Variants in NELFCD observed in about 807,000 individuals in gnomAD.
NELFCD encodes the protein negative elongation factor C/D.
A neutral mutation model predicts 72.9 loss-of-function variants in NELFCD; 48 were observed. That is an observed-to-expected ratio of 0.66 (90% confidence interval 0.52 to 0.84). NELFCD has a LOEUF of 0.84. Ranked by LOEUF, NELFCD falls within the 40% of genes least tolerant of loss-of-function variation. NELFCD has a pLI of 0.00. For missense variants in NELFCD, 538 were observed against 723.8 expected (o/e 0.74, Z 2.94); for synonymous variants, 297 against 280.6 (o/e 1.06, Z -0.59).
In NELFCD at chr20:58,994,190, A is replaced by G. The variant is rs2091839965; in HGVS notation, c.1662A>G (p.Ala554=). Residue 554 remains alanine, a synonymous_variant, in exon 14 of 15, where the codon GCA becomes GCG. Coordinates refer to ENST00000652272, the MANE Select transcript of NELFCD (RefSeq NM_198976.4). The stretch of plus-strand genomic sequence containing the variant: ...CCATCCTGGAGAATGACAGCATCGC[A>G]GGTACCATCAAAACGGAAGGCGAGC... ...FLPILENDSI[A]GTIKTEGEHD... is the part of the protein sequence containing the mutation. 6.2e-7 allele frequency: 1 copy of G among 1,614,026 alleles called. No individual in the cohort carries two copies. The highest frequency in any genetic ancestry group is 1.3e-5 in the African/African-American group (1 of 74,954).
intron 7 of NELFCD, 112 bp from the exon 8 acceptor site, chr20:58,990,798 C>G: frequency 2.1e-6 from 2 of 947,564 alleles, no homozygotes; most frequent in East Asian, 2.4e-5. Context: ...TCAGTATACT[C>G]GTGAATGACA....
intron 1 of NELFCD, among the ~76,000 whole-genome samples, chr20:58,982,188 C>A (rs965785880): frequency 2.8e-5 from 3 of 105,940 alleles, no homozygotes; most frequent in African/African-American, 1.1e-4. Context: ...TGGAGTTTCG[C>A]TCTTGTTGCC....
rs1208460284 is a variant in NELFCD, at chr20:58,994,222, C to G, written c.1694C>G (p.Pro565Arg). Residue 565 changes from proline (P) to arginine (R), a missense_variant, in exon 14 of 15, where the codon CCT becomes CGT. Physicochemically the swap from Pro to Arg is moderately radical, Grantham distance 103. Around this residue, in one of 3 missense-constraint regions of NELFCD, gnomAD observed 136 missense variants for 154.0 expected, o/e 0.88. Transcript: ENST00000652272. ...ATCAAAACGGAAGGCGAGCATGACC[C>G]TGTGACGGAGTTTATAGGTGAGGCC... Reference protein sequence around the residue: ...GTIKTEGEHDPVTEFIAHCKS... With the variant: ...GTIKTEGEHDRVTEFIAHCKS... The G allele has an allele frequency of 6.2e-7, 1 of 1,614,140 alleles. No individual in the cohort carries two copies. The highest frequency in any genetic ancestry group is 1.7e-5 in the Admixed American group (1 of 60,026).
At chr20:58,990,674 GC>G in intron 7 of NELFCD, 1 of 425,148 alleles carries the variant, frequency 2.4e-6, no homozygotes, top group South Asian at 5.2e-5. Flanking sequence ...TTTATTTTCT[GC>G]TACCAATAGA....
rs781315824 is a variant in NELFCD, at chr20:58,981,315, C to T, written c.6C>T (p.Asp2=). The change falls in exon 1 of 15, where the codon GAC becomes GAT. Residue 2 remains aspartate (D), a synonymous_variant. Transcript: ENST00000652272. M[D]EDYYGSAAEW... ...GGGCCGTGCCGGGCGCCATCATGGA[C>T]GAGGACTACTACGGGAGCGCGGCCG... 9.1e-6 allele frequency: 10 copies of T among 1,094,924 alleles called. No homozygotes were observed. The Admixed American group carries it at 1.2e-4, about 14-fold the overall frequency. The allele number at this position is 1,094,924 out of a possible 1,614,324, so 67.8% of individuals were successfully genotyped here.
chr20:58,994,600 T>C (rs1296116363), intron 14 of NELFCD, 42 bp from the exon 15 acceptor site: 3 of 1,374,560 alleles, frequency 2.2e-6, no homozygotes, highest in Non-Finnish European at 3.1e-6. Context: ...TGTCATGTTC[T>C]ACTTCCTGTT....
intron 10 of NELFCD, among the ~76,000 whole-genome samples, chr20:58,992,233 A>G (rs2091822778): frequency 6.6e-6 from 1 of 152,222 alleles, no homozygotes; most frequent in African/African-American, 2.4e-5. Flanking sequence ...TTGAGTACAA[A>G]TTAGGCTAAG....
chr20:58,991,800 A>C (rs2091819094), intron 9 of NELFCD, 81 bp from the exon 10 acceptor site: 1 of 1,517,510 alleles, frequency 6.6e-7, no homozygotes, highest in Non-Finnish European at 8.9e-7. Context: ...AGTGCTTTGC[A>C]AGAAGTGGCC....
intron 4 of NELFCD, among the ~76,000 whole-genome samples, chr20:58,988,227 G>A (rs1444020975): frequency 2.6e-5 from 4 of 152,214 alleles, no homozygotes; most frequent in African/African-American, 9.7e-5. Flanking sequence ...TGGGGTAGCT[G>A]TGATGCAGTC....
rs773942625 is a variant in NELFCD, at chr20:58,991,940, C to A, written c.1149C>A (p.Thr383=). Residue 383 remains threonine (T), a synonymous_variant, in exon 10 of 15, where the codon ACC becomes ACA. Transcript: ENST00000652272. ...ELKSTSKAVE[T]VHNLCCNENK... is the part of the protein sequence containing the mutation. ...AGTCAACGTCAAAAGCTGTCGAAACCGTTCACAATTTGTGTTGCAACGAGA... is the reference window on the plus strand; with the variant it reads ...AGTCAACGTCAAAAGCTGTCGAAACAGTTCACAATTTGTGTTGCAACGAGA... 3 of 1,614,030 alleles carry A rather than the reference C, an allele frequency of 1.9e-6. No homozygotes were observed. Among genetic ancestry groups the A allele is most frequent in the Non-Finnish European group, 2.5e-6 (3 of 1,180,044 alleles).
intron 1 of NELFCD, among the ~76,000 whole-genome samples, chr20:58,985,714 C>G (rs946277748): frequency 3.3e-5 from 5 of 152,074 alleles, no homozygotes; most frequent in African/African-American, 4.8e-5. Flanking sequence ...TGCACTGTTA[C>G]GAAATGTCAG....
Position 58,992,015 on chromosome 20 carries a change from T to A in NELFCD, c.1224T>A (p.Cys408Ter). 6.2e-7 allele frequency: 1 copy of A among 1,608,868 alleles called. No homozygotes were observed. The highest frequency in any genetic ancestry group is 8.5e-7 in the Non-Finnish European group (1 of 1,176,654). ...CAGAATTGAGCACACTTTATCAGTG[T>A]ATTAGGTAAGCAAAACGAAACTCAG... ...LVAELSTLYQ[C>*]IRFPVVAMGV... The change falls in exon 10 of 15, where the codon TGT becomes TGA. Residue 408 changes from cysteine (C) to a stop codon, truncating the protein, a stop_gained. Coordinates refer to ENST00000652272, the MANE Select transcript of NELFCD (RefSeq NM_198976.4). LOFTEE classifies it high-confidence loss of function.
intron 4 of NELFCD, 57 bp downstream of exon 4, chr20:58,987,874 C>T: frequency 1.6e-5 from 21 of 1,321,996 alleles, no homozygotes; most frequent in Non-Finnish European, 2.3e-5. Context: ...TGCAAATTCC[C>T]TGTGTACAGT....
chr20:58,986,311 C>T lies in NELFCD; in HGVS notation c.176+103C>T. 1.3e-6 allele frequency: 1 copy of T among 775,454 alleles called. No individual in the cohort carries two copies. The highest frequency in any genetic ancestry group is 1.6e-5 in the South Asian group (1 of 63,342). The allele number at this position is 775,454 out of a possible 1,614,324, so 48.0% of individuals were successfully genotyped here. ...CTATGTAAAGCAAGAGTAACGCGAA[C>T]TGAACTAAAGGCTTCAAGGGGGGGT... On this transcript the variant is annotated intron_variant, in intron 2 of 14. Transcript: ENST00000652272. The surrounding 1 kb of genome is among the most constrained non-coding windows in gnomAD (Gnocchi z 4.4).
intron 1 of NELFCD, among the ~76,000 whole-genome samples, chr20:58,982,187 G>T (rs572013466): frequency 2.7e-5 from 3 of 110,386 alleles, no homozygotes; most frequent in African/African-American, 3.5e-5. Context: ...GTGGAGTTTC[G>T]CTCTTGTTGC....
intron 10 of NELFCD, 132 bp from the exon 11 acceptor site, chr20:58,992,866 A>AAAG: frequency 1.8e-6 from 1 of 567,500 alleles, no homozygotes; most frequent in Non-Finnish European, 3.2e-6. Flanking sequence ...AAAAAAAAAA[A>AAAG]GGGTTGGGGG....
At chr20:58,985,967 A>G (rs990349539) in intron 1 of NELFCD, 126 bp from the exon 2 acceptor site, 1 of 709,096 alleles carries the variant, frequency 1.4e-6, no homozygotes. Flanking sequence ...TGAAATTGTC[A>G]TGAAAGTCAA....
At position 58,990,928 on chromosome 20, in the gene NELFCD, G is replaced by C. The variant is rs988994460; in HGVS notation, c.807G>C (p.Gln269His). ...FAQEKGHDASQITLALGTAAS... is the reference protein window; with the variant it reads ...FAQEKGHDASHITLALGTAAS... Reference sequence around the variant, plus strand: ...CATCAAGAGGTCATGACGCCAGTCAGATCACACTAGCCTTGGGCACAGCTG... The same window carrying C: ...CATCAAGAGGTCATGACGCCAGTCACATCACACTAGCCTTGGGCACAGCTG... The change falls in exon 8 of 15, where the codon CAG becomes CAC. Residue 269 changes from glutamine (Q) to histidine (H), a missense_variant. Transcript: ENST00000652272. The C allele has an allele frequency of 6.2e-7, 1 of 1,614,114 alleles. No homozygotes were observed. Among genetic ancestry groups the C allele is most frequent in the Non-Finnish European group, 8.5e-7 (1 of 1,180,002 alleles).
At chr20:58,992,107 G>C in intron 10 of NELFCD, 87 bp downstream of exon 10, 1 of 1,342,790 alleles carries the variant, frequency 7.4e-7, no homozygotes, top group Non-Finnish European at 1.0e-6. Context: ...AATAACAAAA[G>C]CTTCAGCGAT....
Sources: gnomAD v4.1 joint callset for allele counts (sites outside exome capture counted in the v4.1 genomes callset) on GRCh38, gnomAD v4.1.1 for gene constraint, gnomAD v4.1.1 regional missense constraint, Gnocchi (gnomAD v3.1) non-coding constraint, MANE v1.5 for transcripts, NCBI Gene and HGNC (gene_info 2026-07-23, HGNC 2026-07-21) for gene names.